The following CASP6 variants were observed in gnomAD, a reference collection of about 807,000 sequenced individuals.
The protein encoded by CASP6 is caspase-6.
Under a neutral mutation model 31.8 loss-of-function variants are expected in CASP6, and 20 were observed. The ratio of observed to expected loss-of-function variants is 0.63; its 90% CI spans 0.44 to 0.91. The LOEUF is 0.91. Ranked by LOEUF, CASP6 falls within the 40% of genes least tolerant of loss-of-function variation. The pLI is 0.00. For missense variants in CASP6, 328 were observed against 361.1 expected (o/e 0.91, Z 0.74); for synonymous variants, 130 against 127.8 (o/e 1.02, Z -0.12).
chr4:109,675,360 A>G, the CASP6 span, among the ~76,000 whole-genome samples: 1 of 152,230 alleles, frequency 6.6e-6, no homozygotes, highest in Non-Finnish European at 1.5e-5. Flanking sequence ...ACCATGGCCT[A>G]TAAAAACTGT....
chr4:109,682,222 T>G, the CASP6 span, among the ~76,000 whole-genome samples: 1 of 152,062 alleles, frequency 6.6e-6, no homozygotes, highest in Non-Finnish European at 1.5e-5. Flanking sequence ...TGTCCTGCTT[T>G]TGGGCAAAAA....
At chr4:109,669,395 T>C in the CASP6 span, among the ~76,000 whole-genome samples, 1 of 152,120 alleles carries the variant, frequency 6.6e-6, no homozygotes, top group African/African-American at 2.4e-5. Flanking sequence ...TCTTTTTTTT[T>C]CTCTGCTATA....
At chr4:109,703,449 C>T (rs1001253754), upstream of CASP6, 69 of 1,589,130 alleles carry the variant, frequency 4.3e-5, no homozygotes, top group African/African-American at 7.1e-4. Context: ...AAGCCACAGG[C>T]TCCCGGGCCC....
chr4:109,696,735 C>T (rs2126159267), intron 3 of CASP6, among the ~76,000 whole-genome samples: 1 of 151,664 alleles, frequency 6.6e-6, no homozygotes, highest in South Asian at 2.1e-4. Context: ...AATGCAAAAG[C>T]CTGTCAACAT....
chr4:109,667,208 C>T, the CASP6 span, among the ~76,000 whole-genome samples: 1 of 152,006 alleles, frequency 6.6e-6, no homozygotes, highest in Admixed American at 6.6e-5. Flanking sequence ...CAAGAAAATC[C>T]ATCTGGACCT....
the CASP6 span, among the ~76,000 whole-genome samples, chr4:109,670,496 A>G: frequency 6.6e-6 from 1 of 152,198 alleles, no homozygotes; most frequent in East Asian, 1.9e-4. Flanking sequence ...GGGAGTGGGG[A>G]TCACTGGGTC....
chr4:109,682,337 T>A, the CASP6 span, among the ~76,000 whole-genome samples: 2 of 150,946 alleles, frequency 1.3e-5, no homozygotes, highest in African/African-American at 4.9e-5. Context: ...TTTTTTTTTT[T>A]ACCTTGTATA....
chr4:109,706,439 A>C (rs1730621403), upstream of CASP6, among the ~76,000 whole-genome samples: 1 of 152,012 alleles, frequency 6.6e-6, no homozygotes, highest in Non-Finnish European at 1.5e-5. Flanking sequence ...GAGCAAAGAA[A>C]GTGGTTTATT....
upstream of CASP6, chr4:109,703,506 A>G (rs573622712): frequency 3.6e-6 from 5 of 1,390,276 alleles, no homozygotes; most frequent in South Asian, 6.7e-5. Context: ...CCTGCCCCCG[A>G]GCGTGGGGCC....
chr4:109,700,704 A>G (rs953637975), intron 1 of CASP6, among the ~76,000 whole-genome samples: 12 of 152,152 alleles, frequency 7.9e-5, no homozygotes, highest in Non-Finnish European at 1.5e-4. Context: ...TCACTCTCAC[A>G]AAGTGCACCC....
the CASP6 span, among the ~76,000 whole-genome samples, chr4:109,679,248 C>T: frequency 5.9e-5 from 9 of 152,204 alleles, no homozygotes; most frequent in East Asian, 3.8e-4. Context: ...GACGGGGTGG[C>T]GGCCAGGCAG....
chr4:109,685,322 C>G, downstream of CASP6: 1 of 1,588,362 alleles, frequency 6.3e-7, no homozygotes, highest in Admixed American at 1.7e-5. Flanking sequence ...AGCAACAGCA[C>G]TTTGATGTGC....
At chr4:109,685,182 A>G, downstream of CASP6, 5 of 704,084 alleles carry the variant, frequency 7.1e-6, no homozygotes, top group East Asian at 2.5e-5. Flanking sequence ...TGAGTCAAGT[A>G]TCTTTCTTGC....
the CASP6 span, chr4:109,674,141 T>G: frequency 7.9e-7 from 1 of 1,258,122 alleles, no homozygotes; most frequent in South Asian, 1.2e-5. Flanking sequence ...AGATGCTGCC[T>G]TGTTGGAGGA....
the CASP6 span, among the ~76,000 whole-genome samples, chr4:109,672,322 TTCTCTGA>T: frequency 6.6e-6 from 1 of 152,182 alleles, no homozygotes; most frequent in Non-Finnish European, 1.5e-5. Flanking sequence ...GAGAGTATTT[TTCTCTGA>T]TCTCTGATCT....
chr4:109,702,171 A>C (rs905932237), intron 1 of CASP6, among the ~76,000 whole-genome samples: 1 of 152,128 alleles, frequency 6.6e-6, no homozygotes, highest in South Asian at 2.1e-4. Context: ...CTGCAACTGG[A>C]CCCTGCACTG....
intron 5 of CASP6, chr4:109,691,920 C>T (rs1730069733): frequency 6.6e-6 from 1 of 152,360 alleles, no homozygotes; most frequent in South Asian, 2.1e-4. Context: ...CCTCCCCACA[C>T]GTTCATCTGA....
the CASP6 span, chr4:109,664,410 A>C: frequency 1.0e-6 from 1 of 956,630 alleles, no homozygotes. Flanking sequence ...AAACACAGCT[A>C]TCCAACTATT....
downstream of CASP6, among the ~76,000 whole-genome samples, chr4:109,684,080 T>TG (rs1729777601): frequency 6.6e-6 from 1 of 151,208 alleles, no homozygotes; most frequent in Admixed American, 6.6e-5. Flanking sequence ...TTTTTTTTTT[T>TG]GACGCAGAGT....
Sources: allele counts gnomAD v4.1 joint callset (sites outside exome capture counted in the v4.1 genomes callset), GRCh38; gene constraint gnomAD v4.1.1; transcripts MANE v1.5; gene names NCBI Gene and HGNC (gene_info 2026-07-23, HGNC 2026-07-21).